The following KASH5 variants were observed in gnomAD, a reference collection of about 807,000 sequenced individuals.
The protein encoded by KASH5 is protein KASH5.
A neutral mutation model predicts 84.2 loss-of-function variants in KASH5; 72 were observed. The ratio of observed to expected loss-of-function variants is 0.85; its 90% confidence interval spans 0.71 to 1.04. The LOEUF (loss-of-function observed/expected upper bound fraction) is 1.04. Among genes scored for constraint, KASH5 ranks in the 50% least tolerant of loss-of-function variants. The pLI is 0.00. For missense variants in KASH5, 650 were observed against 701.0 expected (o/e 0.93, Z 0.82); for synonymous variants, 260 against 279.1 (o/e 0.93, Z 0.68).
chr19:49,416,226 C>T lies in KASH5; in HGVS notation c.1375-789C>T, dbSNP rs1023162525. On this transcript the variant is annotated intron_variant, in intron 17 of 19. Coordinates refer to ENST00000447857, the MANE Select transcript of KASH5 (RefSeq NM_144688.5). This position sits in a 1 kb window ranked among gnomAD's most constrained non-coding sequence, Gnocchi z 5.4. Reference sequence around the variant, plus strand: ...GTTTTTGTTTTGAGATGGAGTCTTGCTCTGTCGCCAGGCTGGAGTGCAGTG... The same window carrying T: ...GTTTTTGTTTTGAGATGGAGTCTTGTTCTGTCGCCAGGCTGGAGTGCAGTG... Among the ~76,000 whole-genome samples the T allele has an allele frequency of 6.6e-6, 1 of 152,176 alleles. No individual in the cohort carries two copies. The highest frequency in any genetic ancestry group is 1.5e-5 in the Non-Finnish European group (1 of 68,024).
chr19:49,390,150 C>T (rs1274453103), intron 1 of KASH5: 3 of 152,354 alleles, frequency 2.0e-5, no homozygotes, highest in African/African-American at 7.2e-5. Flanking sequence ...CGGCCAAATC[C>T]AGGCTGATGT....
At chr19:49,394,973 G>C in intron 3 of KASH5, 133 bp from the exon 4 acceptor site, 1 of 670,836 alleles carries the variant, frequency 1.5e-6, no homozygotes, top group Non-Finnish European at 2.5e-6. Flanking sequence ...GGCTTGCCCA[G>C]TGTGTCTCCA....
chr19:49,397,942 G>A (rs375316535), intron 6 of KASH5, 40 bp from the exon 7 acceptor site: 2 of 1,600,636 alleles, frequency 1.2e-6, no homozygotes, highest in African/African-American at 1.3e-5. Flanking sequence ...AATGAGTCAG[G>A]GGCTGTGGAC....
chr19:49,405,581 T>C (rs1974498824), intron 9 of KASH5, among the ~76,000 whole-genome samples: 1 of 152,096 alleles, frequency 6.6e-6, no homozygotes. Flanking sequence ...AAATAAGTCC[T>C]CAAGTAGGAG....
chr19:49,407,384 G>T, intron 11 of KASH5, 88 bp downstream of exon 11: 1 of 1,423,192 alleles, frequency 7.0e-7, no homozygotes, highest in Admixed American at 1.9e-5. Context: ...GTCCTACTTG[G>T]GTCTGATCCT....
At chr19:49,404,120 G>T (rs1285341525) in intron 9 of KASH5, among the ~76,000 whole-genome samples, 2 of 152,144 alleles carry the variant, frequency 1.3e-5, no homozygotes, top group Non-Finnish European at 2.9e-5. Context: ...CTCCTTTCCC[G>T]TCCTTCCTCT....
chr19:49,397,587 C>A, intron 5 of KASH5, 64 bp from the exon 6 acceptor site: 1 of 1,489,584 alleles, frequency 6.7e-7, no homozygotes, highest in Non-Finnish European at 9.4e-7. Flanking sequence ...ACCTCAGAGC[C>A]CTGGGGCACT....
chr19:49,411,920 GA>G (rs1405005663), intron 15 of KASH5, among the ~76,000 whole-genome samples: 15 of 9,996 alleles, frequency 1.5e-3, no homozygotes, highest in South Asian at 7.7e-3. Flanking sequence ...GGGAAGGAGG[GA>G]AGGAAGGAAG....
Position 49,414,312 on chromosome 19 carries a change from TTGCACC to T in KASH5, c.1329-637_1329-632del, listed in dbSNP as rs1414895251. The stretch of plus-strand genomic sequence containing the variant: ...CTTCCAGTCCTCCTGGAAGAGGGTC[TTGCACC>T]TAAGAGGATTCGGCATGGGGAAGAG... On this transcript the variant is annotated intron_variant, in intron 16 of 19. Coordinates refer to ENST00000447857, the MANE Select transcript of KASH5 (RefSeq NM_144688.5). The surrounding 1 kb of genome is among the most constrained non-coding windows in gnomAD (Gnocchi z 4.5). 1.3e-5 allele frequency among the ~76,000 whole-genome samples: 2 copies of T among 152,072 alleles called. No individual in the cohort carries two copies. The highest frequency in any genetic ancestry group is 2.9e-5 in the Non-Finnish European group (2 of 67,996).
Position 49,404,361 on chromosome 19 carries a change from A to C in KASH5, c.799-2525A>C, listed in dbSNP as rs542405849. Among the ~76,000 whole-genome samples, 3 of 152,282 alleles carry C rather than the reference A, an allele frequency of 2.0e-5. No individual in the cohort carries two copies. The East Asian group carries it at 5.8e-4, about 29-fold the overall frequency. ...AACTTGATAGGTTTTTGGTGCCCCT[A>C]AACTTTAGACTGGAATCTGGGCCAT... On this transcript the variant is annotated intron_variant, in intron 9 of 19. Coordinates refer to ENST00000447857, the MANE Select transcript of KASH5 (RefSeq NM_144688.5).
chr19:49,402,686 G>A (rs917002084), intron 9 of KASH5, among the ~76,000 whole-genome samples: 1 of 152,122 alleles, frequency 6.6e-6, no homozygotes, highest in African/African-American at 2.4e-5. Context: ...TAGCCTGGGT[G>A]ACAGAGCGAG....
chr19:49,390,207 C>A (rs1973957104), intron 1 of KASH5: 1 of 152,272 alleles, frequency 6.6e-6, no homozygotes, highest in African/African-American at 2.4e-5. Flanking sequence ...CAGACACGGC[C>A]CCTCGCTTCC....
chr19:49,403,371 CAAAAT>C (rs1974424779), intron 9 of KASH5, among the ~76,000 whole-genome samples: 1 of 104,034 alleles, frequency 9.6e-6, no homozygotes. Context: ...GACTCTGTCT[CAAAAT>C]AAAAAAAAAG....
chr19:49,398,963 G>C, intron 7 of KASH5, 62 bp from the exon 8 acceptor site: 1 of 1,282,708 alleles, frequency 7.8e-7, no homozygotes, highest in Middle Eastern at 1.8e-4. Context: ...GAATGGATCT[G>C]TCTCTGTGCT....
intron 5 of KASH5, among the ~76,000 whole-genome samples, chr19:49,396,478 T>C (rs148877240): frequency 0.034 from 5,228 of 152,192 alleles, 283 homozygotes; most frequent in African/African-American, 0.12. Context: ...GGTCTCGAAC[T>C]CCCGACCTCA....
chr19:49,397,556 G>A, intron 5 of KASH5, 95 bp from the exon 6 acceptor site: 1 of 1,067,636 alleles, frequency 9.4e-7, no homozygotes, highest in African/African-American at 1.5e-5. Flanking sequence ...CACAGGTGAG[G>A]GTGGAGGCAG....
rs752026362 is a variant in KASH5 at position 49,390,934 on chromosome 19, G to C, written c.43+8G>C. 1.4e-5 allele frequency: 23 copies of C among 1,606,114 alleles called. No homozygotes were observed. In the East Asian group the frequency reaches 5.0e-4, roughly 35 times the overall value. ...GTGGCCCCACTGCGGAAAGTAAGTG[G>C]CTGGAACCCTATTTGCCCCGGGGAG... On this transcript the variant is annotated splice_region_variant and intron_variant, in intron 2 of 19. Coordinates refer to ENST00000447857, the MANE Select transcript of KASH5 (RefSeq NM_144688.5).
chr19:49,397,449 T>C (rs181385116), intron 5 of KASH5, among the ~76,000 whole-genome samples: 1 of 152,184 alleles, frequency 6.6e-6, no homozygotes, highest in East Asian at 1.9e-4. Flanking sequence ...GTTAGGGTTA[T>C]CTGGGAGATC....
At chr19:49,398,267 T>C in intron 7 of KASH5, 124 bp downstream of exon 7, 1 of 798,798 alleles carries the variant, frequency 1.3e-6, no homozygotes, top group South Asian at 2.1e-5. Context: ...TGTCCTTTCT[T>C]TTCCCTTTTC....
Sources: gnomAD v4.1 joint callset for allele counts (sites outside exome capture counted in the v4.1 genomes callset) on GRCh38, gnomAD v4.1.1 for gene constraint, Gnocchi (gnomAD v3.1) non-coding constraint, MANE v1.5 for transcripts, NCBI Gene and HGNC (gene_info 2026-07-23, HGNC 2026-07-21) for gene names.